DCDC1: variants seen among roughly 807,000 people sequenced by gnomAD.
DCDC1 encodes the protein doublecortin domain containing 1.
A neutral mutation model predicts 178.3 loss-of-function variants in DCDC1; 200 were observed. The ratio of observed to expected loss-of-function variants is 1.12; its 90% confidence interval spans 1.00 to 1.26. The LOEUF is 1.26. DCDC1 is among the 50% of genes most tolerant of loss of function. The probability of loss-of-function intolerance (pLI) is 0.00; values close to 1 mark genes in which losing one functional copy is unlikely to be tolerated. For synonymous variants in DCDC1, 690 were observed against 604.8 expected (o/e 1.14, Z -2.07); for missense variants, 1,983 against 1,749.2 (o/e 1.13, Z -2.38).
chr11:30,956,785 A>G (rs1022151678), intron 20 of DCDC1, among the ~76,000 whole-genome samples: 1 of 152,182 alleles, frequency 6.6e-6, no homozygotes, highest in African/African-American at 2.4e-5. Context: ...GAGATCGGGT[A>G]GTGTTGACAA....
chr11:31,272,450 G>A (rs1374445109), intron 7 of DCDC1, among the ~76,000 whole-genome samples: 1 of 152,132 alleles, frequency 6.6e-6, no homozygotes, highest in African/African-American at 2.4e-5. Context: ...AAAGTCCACA[G>A]TCCAAAGTTT....
intron 9 of DCDC1, among the ~76,000 whole-genome samples, chr11:31,196,177 G>A (rs151284269): frequency 6.6e-6 from 1 of 151,930 alleles, no homozygotes; most frequent in East Asian, 1.9e-4. Context: ...CACAGTTGTT[G>A]TAGTTTGCTA....
intron 20 of DCDC1, among the ~76,000 whole-genome samples, chr11:30,997,345 A>T (rs1306912820): frequency 6.6e-6 from 1 of 152,222 alleles, no homozygotes; most frequent in Non-Finnish European, 1.5e-5. Context: ...GTAAAACAAA[A>T]CAAAACAAAA....
At chr11:31,311,709 G>T (rs1439215551) in intron 3 of DCDC1, among the ~76,000 whole-genome samples, 1 of 152,104 alleles carries the variant, frequency 6.6e-6, no homozygotes, top group Non-Finnish European at 1.5e-5. Flanking sequence ...AATCTTGAGG[G>T]TGAAGAATTT....
chr11:31,029,067 G>A (rs1405269896), intron 20 of DCDC1, among the ~76,000 whole-genome samples: 1 of 151,928 alleles, frequency 6.6e-6, no homozygotes, highest in East Asian at 1.9e-4. Context: ...TCTAAACTTC[G>A]ATCAGTGAGA....
At chr11:30,989,779 T>G (rs1045375922) in intron 20 of DCDC1, among the ~76,000 whole-genome samples, 6 of 152,172 alleles carry the variant, frequency 3.9e-5, no homozygotes, top group Non-Finnish European at 7.4e-5. Context: ...TAGGAAGCCA[T>G]TTTTTAAAAG....
rs1288246516 is a variant in DCDC1 at position 31,316,116 on chromosome 11, C to T, written c.165-8208G>A. ...TGTGAATAGTGCCGCAATAAACATACGTGTGCATGTGTCTTTATAGCAGCA... is the reference window on the plus strand; with the variant it reads ...TGTGAATAGTGCCGCAATAAACATATGTGTGCATGTGTCTTTATAGCAGCA... On this transcript the variant is annotated intron_variant, in intron 3 of 38. Coordinates refer to ENST00000684477, the MANE Select transcript of DCDC1 (RefSeq NM_001387274.1). Among the ~76,000 whole-genome samples, 6 of 91,844 alleles carry T rather than the reference C, an allele frequency of 6.5e-5. No homozygotes were observed. In the South Asian group the frequency reaches 1.8e-3, roughly 27 times the overall value. 60.3% of individuals were successfully genotyped at this position (91,844 alleles called of 152,430 possible).
chr11:31,213,213 C>T (rs1294416993), intron 9 of DCDC1, among the ~76,000 whole-genome samples: 1 of 145,612 alleles, frequency 6.9e-6, no homozygotes, highest in African/African-American at 2.6e-5. Flanking sequence ...AGGCATGTGG[C>T]TCTTCAGTCA....
At chr11:31,205,016 T>C (rs1484769836) in intron 9 of DCDC1, among the ~76,000 whole-genome samples, 1 of 152,202 alleles carries the variant, frequency 6.6e-6, no homozygotes, top group Non-Finnish European at 1.5e-5. Flanking sequence ...TCTGAGCCAA[T>C]GGAATATCAC....
chr11:31,045,362 C>T (rs1227925915), intron 20 of DCDC1, among the ~76,000 whole-genome samples: 2 of 151,644 alleles, frequency 1.3e-5, no homozygotes, highest in African/African-American at 4.8e-5. Flanking sequence ...CTCAAGTTTA[C>T]TGAATTTGAC....
intron 1 of DCDC1, among the ~76,000 whole-genome samples, chr11:31,343,554 A>T (rs1950658072): frequency 6.6e-6 from 1 of 152,070 alleles, no homozygotes; most frequent in South Asian, 2.1e-4. Flanking sequence ...TGATCTGCCC[A>T]TCTTGGCTTC....
chr11:31,262,223 C>A (rs1406357069), intron 8 of DCDC1, among the ~76,000 whole-genome samples: 2 of 150,552 alleles, frequency 1.3e-5, no homozygotes, highest in Non-Finnish European at 2.9e-5. Context: ...GCTGTGGTTG[C>A]ACCACTGCAC....
At chr11:30,986,338 T>C (rs567686704) in intron 20 of DCDC1, among the ~76,000 whole-genome samples, 13 of 143,764 alleles carry the variant, frequency 9.0e-5, no homozygotes, top group South Asian at 2.1e-4. Context: ...CTCTCTCTCT[T>C]TTTTTTTTTT....
intron 20 of DCDC1, among the ~76,000 whole-genome samples, chr11:31,027,845 G>A (rs994553552): frequency 6.6e-6 from 1 of 151,846 alleles, no homozygotes; most frequent in East Asian, 1.9e-4. Flanking sequence ...AAAATGGCAT[G>A]ACTTCTTAAA....
chr11:31,300,533 A>C (rs556245959), intron 6 of DCDC1, among the ~76,000 whole-genome samples: 1 of 152,272 alleles, frequency 6.6e-6, no homozygotes, highest in East Asian at 1.9e-4. Context: ...AGTTTGCCCA[A>C]GACCAGACAC....
At chr11:30,867,130 C>T (rs565230716) in intron 38 of DCDC1, among the ~76,000 whole-genome samples, 23 of 152,276 alleles carry the variant, frequency 1.5e-4, no homozygotes, top group Middle Eastern at 3.4e-3. Flanking sequence ...TCCAAATAAG[C>T]GGCAACTAAA....
chr11:30,973,345 G>T (rs1390852037), intron 20 of DCDC1, among the ~76,000 whole-genome samples: 2 of 151,362 alleles, frequency 1.3e-5, no homozygotes, highest in Admixed American at 6.6e-5. Context: ...TGAAGTACTG[G>T]CTCCCTATTT....
intron 9 of DCDC1, among the ~76,000 whole-genome samples, chr11:31,183,896 A>C (rs1969152391): frequency 6.6e-6 from 1 of 152,212 alleles, no homozygotes; most frequent in Non-Finnish European, 1.5e-5. Flanking sequence ...TATCTCCATC[A>C]AGCTATCATT....
intron 8 of DCDC1, among the ~76,000 whole-genome samples, chr11:31,250,415 C>CACACACATATAT (rs1223526182): frequency 1.5e-4 from 11 of 73,726 alleles, no homozygotes; most frequent in African/African-American, 5.2e-4. Flanking sequence ...CACACACACA[C>CACACACATATAT]ATATACATAT....
Sources: allele counts gnomAD v4.1 joint callset (sites outside exome capture counted in the v4.1 genomes callset), GRCh38; gene constraint gnomAD v4.1.1; transcripts MANE v1.5; gene names NCBI Gene and HGNC (gene_info 2026-07-23, HGNC 2026-07-21).